The following BCAS4 variants were observed in gnomAD, a reference collection of about 807,000 sequenced individuals.
BCAS4 encodes breast carcinoma-amplified sequence 4.
Under a neutral mutation model 15.7 loss-of-function variants are expected in BCAS4, and 9 were observed. The observed-to-expected ratio is 0.57, with a 90% CI of 0.34 to 1.00. The LOEUF is 1.00. BCAS4 is among the 50% of genes least tolerant of loss of function. BCAS4 has a pLI of 0.02. For missense variants in BCAS4, 225 were observed against 239.1 expected (o/e 0.94, Z 0.39); for synonymous variants, 101 against 99.5 (o/e 1.02, Z -0.09).
intron 3 of BCAS4, among the ~76,000 whole-genome samples, chr20:50,832,021 T>G (rs2088349504): frequency 6.6e-6 from 1 of 152,214 alleles, no homozygotes. Flanking sequence ...TGCAGCCTGG[T>G]TCTCGCCTGG....
At chr20:50,800,563 T>TTG (rs1307525538) in intron 1 of BCAS4, among the ~76,000 whole-genome samples, 3 of 142,480 alleles carry the variant, frequency 2.1e-5, no homozygotes, top group African/African-American at 8.4e-5. Flanking sequence ...ACATCCCTTT[T>TTG]TTTTTTTTTT....
At chr20:50,861,518 T>A (rs1293553580) in intron 4 of BCAS4, among the ~76,000 whole-genome samples, 1 of 152,220 alleles carries the variant, frequency 6.6e-6, no homozygotes, top group Non-Finnish European at 1.5e-5. Flanking sequence ...GCCTGTCTTC[T>A]GAGATGTCCT....
At chr20:50,806,629 C>A (rs2087992353) in intron 1 of BCAS4, among the ~76,000 whole-genome samples, 1 of 152,144 alleles carries the variant, frequency 6.6e-6, no homozygotes, top group Admixed American at 6.6e-5. Context: ...GGCCTCTCAA[C>A]CTCTAGAGCC....
At chr20:50,824,925 T>A (rs2088261820) in intron 2 of BCAS4, among the ~76,000 whole-genome samples, 2 of 152,190 alleles carry the variant, frequency 1.3e-5, no homozygotes, top group Admixed American at 6.5e-5. Flanking sequence ...TTGTTTTTTT[T>A]AGGCATGATT....
At chr20:50,845,163 G>T (rs8123262) in intron 4 of BCAS4, among the ~76,000 whole-genome samples, 14,048 of 152,026 alleles carry the variant, frequency 0.092, 1,164 homozygotes, top group African/African-American at 0.22. Context: ...TCACTGAGGG[G>T]TTAAGTTGCT....
intron 1 of BCAS4, among the ~76,000 whole-genome samples, chr20:50,812,426 G>A (rs1475620648): frequency 5.8e-5 from 8 of 137,062 alleles, no homozygotes; most frequent in African/African-American, 1.9e-4. Context: ...GAGCTACTGC[G>A]TCTGGCCTTT....
At chr20:50,817,400 G>A (rs1451808730) in intron 1 of BCAS4, among the ~76,000 whole-genome samples, 1 of 152,196 alleles carries the variant, frequency 6.6e-6, no homozygotes, top group Non-Finnish European at 1.5e-5. Flanking sequence ...AATTTTTTAA[G>A]TATAAGCACA....
chr20:50,797,855 G>A (rs1439394900), intron 1 of BCAS4, among the ~76,000 whole-genome samples: 1 of 151,938 alleles, frequency 6.6e-6, no homozygotes, highest in Non-Finnish European at 1.5e-5. Context: ...AGTAGAGACA[G>A]GGTTCCTCCA....
At chr20:50,796,918 C>T (rs1317186063) in intron 1 of BCAS4, among the ~76,000 whole-genome samples, 3 of 151,686 alleles carry the variant, frequency 2.0e-5, no homozygotes, top group African/African-American at 7.3e-5. Context: ...GTAGCCTCAA[C>T]CTCCTGGGCT....
chr20:50,798,409 T>A (rs184567038), intron 1 of BCAS4, among the ~76,000 whole-genome samples: 1 of 136,604 alleles, frequency 7.3e-6, no homozygotes, highest in African/African-American at 3.0e-5. Flanking sequence ...AGCAATGGCT[T>A]ACGCCTGTGG....
chr20:50,852,364 C>A (rs1568677940), intron 4 of BCAS4, among the ~76,000 whole-genome samples: 2 of 145,864 alleles, frequency 1.4e-5, no homozygotes, highest in Non-Finnish European at 3.0e-5. Context: ...CTTTTTGTGG[C>A]TTTGTGTGTG....
rs150118784 is a variant in BCAS4, at chr20:50,851,187, A to G, written c.399+9287A>G. Among the ~76,000 whole-genome samples, 155 of 152,296 alleles carry G rather than the reference A, an allele frequency of 1.0e-3. 1 individual carries two copies. The East Asian group carries it at 0.025, about 25-fold the overall frequency. On this transcript the variant is annotated intron_variant, in intron 4 of 4. Transcript: ENST00000371608. This position sits in a 1 kb window ranked among gnomAD's most constrained non-coding sequence, Gnocchi z 4.3. ...GAGGCTGGGTAAGACACAAACAAGA[A>G]GGGAGAGGAAATTGTGAGGCGCCTT...
chr20:50,881,851 G>A (rs1980122237), downstream of BCAS4: 1 of 152,114 alleles, frequency 6.6e-6, no homozygotes, highest in African/African-American at 2.4e-5. Flanking sequence ...AGTAAAGATG[G>A]GGTTTTGCCA....
At chr20:50,861,123 C>T (rs1979044517) in intron 4 of BCAS4, among the ~76,000 whole-genome samples, 1 of 152,028 alleles carries the variant, frequency 6.6e-6, no homozygotes, top group Admixed American at 6.6e-5. Context: ...ATTGTGTCTC[C>T]ATGAGGCCAA....
chr20:50,851,832 C>A lies in BCAS4; in HGVS notation c.399+9932C>A, dbSNP rs762949082. Among the ~76,000 whole-genome samples the A allele has an allele frequency of 6.6e-6, 1 of 152,246 alleles. No individual in the cohort carries two copies. The highest frequency in any genetic ancestry group is 1.5e-5 in the Non-Finnish European group (1 of 68,046). ...TCACACGGTCCCACCCCTGGGAAGCCGCCTGGGTTCCCCCAGCCAGCCTTC... is the reference window on the plus strand; with the variant it reads ...TCACACGGTCCCACCCCTGGGAAGCAGCCTGGGTTCCCCCAGCCAGCCTTC... On this transcript the variant is annotated intron_variant, in intron 4 of 4. Coordinates refer to ENST00000371608, the MANE Select transcript of BCAS4 (RefSeq NM_198799.4). This position sits in a 1 kb window ranked among gnomAD's most constrained non-coding sequence, Gnocchi z 4.3.
At position 50,876,097 on chromosome 20, in the gene BCAS4, C is replaced by T. The variant is rs766014772; in HGVS notation, c.400-389C>T. 22 of 445,006 alleles carry T rather than the reference C, an allele frequency of 4.9e-5. 1 individual carries two copies. Among genetic ancestry groups the T allele is most frequent in the South Asian group, 1.1e-4 (7 of 62,890 alleles). 27.6% of individuals were successfully genotyped at this position (445,006 alleles called of 1,614,324 possible). On this transcript the variant is annotated intron_variant, in intron 4 of 4. Transcript: ENST00000371608. Reference sequence around the variant, plus strand: ...TCCCAAGTAGCTGGGATTACAGGTGCGCGCTACCATGCCCGGCTAATTTCT... The same window carrying T: ...TCCCAAGTAGCTGGGATTACAGGTGTGCGCTACCATGCCCGGCTAATTTCT...
intron 1 of BCAS4, among the ~76,000 whole-genome samples, chr20:50,795,857 A>G (rs1265110826): frequency 6.6e-6 from 1 of 152,226 alleles, no homozygotes; most frequent in East Asian, 1.9e-4. Context: ...GAAAACCAGC[A>G]TTAACTGTTT....
intron 1 of BCAS4, among the ~76,000 whole-genome samples, chr20:50,807,829 A>G (rs920583693): frequency 6.6e-6 from 1 of 152,126 alleles, no homozygotes; most frequent in East Asian, 1.9e-4. Context: ...GGCTGCTGCA[A>G]ATGCCATTAT....
intron 4 of BCAS4, among the ~76,000 whole-genome samples, chr20:50,870,031 G>A (rs976297692): frequency 1.3e-5 from 2 of 152,198 alleles, no homozygotes; most frequent in East Asian, 1.9e-4. Context: ...TTACAGGCAT[G>A]AGCCATCACA....
Sources: gnomAD v4.1 joint callset for allele counts (sites outside exome capture counted in the v4.1 genomes callset) on GRCh38, gnomAD v4.1.1 for gene constraint, Gnocchi (gnomAD v3.1) non-coding constraint, MANE v1.5 for transcripts, NCBI Gene and HGNC (gene_info 2026-07-23, HGNC 2026-07-21) for gene names.